Variants in CSMD1 observed in about 807,000 individuals in gnomAD.
The protein encoded by CSMD1 is CUB and Sushi multiple domains 1.
A neutral mutation model predicts 417.5 loss-of-function variants in CSMD1; 213 were observed. That is an observed-to-expected ratio of 0.51 (90% CI 0.46 to 0.57). The LOEUF is 0.57. Ranked by LOEUF, CSMD1 falls within the 20% of genes least tolerant of loss-of-function variation. The pLI is 0.00. For synonymous variants in CSMD1, 2,862 were observed against 1,736.8 expected (o/e 1.65, Z -16.11); for missense variants, 6,923 against 4,529.7 (o/e 1.53, Z -15.17).
At chr8:4,068,437 A>G (rs779858482) in intron 3 of CSMD1, among the ~76,000 whole-genome samples, 1 of 152,194 alleles carries the variant, frequency 6.6e-6, no homozygotes, top group African/African-American at 2.4e-5. Flanking sequence ...ACAGAAAATT[A>G]AATGTATATT....
chr8:3,614,384 A>G (rs1017106269), intron 8 of CSMD1, among the ~76,000 whole-genome samples: 1 of 152,096 alleles, frequency 6.6e-6, no homozygotes, highest in Non-Finnish European at 1.5e-5. Flanking sequence ...CCTCAGACTT[A>G]ATGTTCATCC....
chr8:3,270,284 C>T (rs973863366), intron 26 of CSMD1, among the ~76,000 whole-genome samples: 2 of 152,048 alleles, frequency 1.3e-5, no homozygotes, highest in African/African-American at 4.8e-5. Context: ...CCTTGAACTC[C>T]TGACCTTGTG....
rs747198664 is a variant in CSMD1, at chr8:3,223,790, T to G, written c.4423A>C (p.Lys1475Gln). ...PNYPQPYPPGKECDWRVKVNP... is the reference protein window; with the variant it reads ...PNYPQPYPPGQECDWRVKVNP... ...ACTTTTACTCTCCAGTCACATTCCT[T>G]CCCAGGAGGATACGGCTGTGGGTAG... Residue 1475 changes from lysine to glutamine, a missense_variant, in exon 28 of 70, where the codon AAG becomes CAG. Transcript: ENST00000635120. The G allele has an allele frequency of 6.2e-7, 1 of 1,613,886 alleles. No homozygotes were observed. The highest frequency in any genetic ancestry group is 1.1e-5 in the South Asian group (1 of 91,080).
At chr8:3,347,086 T>C (rs1585033062) in intron 22 of CSMD1, among the ~76,000 whole-genome samples, 2 of 152,220 alleles carry the variant, frequency 1.3e-5, no homozygotes, top group Admixed American at 1.3e-4. Flanking sequence ...CTTAAAAAAA[T>C]CACAGAACAT....
intron 4 of CSMD1, among the ~76,000 whole-genome samples, chr8:4,019,285 G>A (rs184415054): frequency 3.7e-4 from 57 of 152,290 alleles, no homozygotes; most frequent in African/African-American, 4.8e-4. Flanking sequence ...GATTCAGGGC[G>A]AGAGAGCTTA....
intron 6 of CSMD1, among the ~76,000 whole-genome samples, chr8:3,745,724 T>C (rs932922981): frequency 2.6e-5 from 4 of 152,204 alleles, no homozygotes; most frequent in African/African-American, 7.2e-5. Context: ...AGTAGATTCC[T>C]TATTTCATTA....
chr8:3,741,408 C>G (rs1477344529), intron 6 of CSMD1, among the ~76,000 whole-genome samples: 1 of 152,030 alleles, frequency 6.6e-6, no homozygotes, highest in African/African-American at 2.4e-5. Context: ...GCCAGGTTAT[C>G]CCATCCAGCT....
intron 25 of CSMD1, among the ~76,000 whole-genome samples, chr8:3,286,796 T>A (rs180980469): frequency 6.6e-6 from 1 of 152,310 alleles, no homozygotes; most frequent in East Asian, 1.9e-4. Context: ...TGATGGTAGT[T>A]TCTTGTGCTG....
chr8:4,383,519 T>G (rs1244521334), intron 3 of CSMD1, among the ~76,000 whole-genome samples: 1 of 152,152 alleles, frequency 6.6e-6, no homozygotes, highest in Admixed American at 6.6e-5. Context: ...CAACAAGCCC[T>G]GGCTATTGCA....
At chr8:3,774,944 G>A (rs1334362535) in intron 5 of CSMD1, among the ~76,000 whole-genome samples, 2 of 151,994 alleles carry the variant, frequency 1.3e-5, no homozygotes, top group South Asian at 2.1e-4. Flanking sequence ...CCAGCGAGAC[G>A]GGAAACAGGT....
Position 3,190,116 on chromosome 8 carries a change from C to G in CSMD1, c.5195-1G>C. 1 of 1,581,256 alleles carries G rather than the reference C, an allele frequency of 6.3e-7. No homozygotes were observed. Among genetic ancestry groups the G allele is most frequent in the African/African-American group, 1.3e-5 (1 of 74,340 alleles). On this transcript the variant is annotated splice_acceptor_variant, in intron 33 of 69. Coordinates refer to ENST00000635120, the MANE Select transcript of CSMD1 (RefSeq NM_033225.6). LOFTEE classifies it high-confidence loss of function. ...TGGGTGTCACTGGTACGAGGAACAGCTAGAAGCAAAGTACAGAACACAGCC... is the reference window on the plus strand; with the variant it reads ...TGGGTGTCACTGGTACGAGGAACAGGTAGAAGCAAAGTACAGAACACAGCC...
At chr8:4,429,056 A>C (rs1374280371) in intron 2 of CSMD1, among the ~76,000 whole-genome samples, 1 of 152,034 alleles carries the variant, frequency 6.6e-6, no homozygotes, top group East Asian at 1.9e-4. Context: ...ACATACTTAC[A>C]GTGTACAATA....
intron 1 of CSMD1, among the ~76,000 whole-genome samples, chr8:4,687,908 T>C (rs1015430939): frequency 2.0e-5 from 3 of 152,110 alleles, no homozygotes; most frequent in Non-Finnish European, 2.9e-5. Flanking sequence ...GATAACGACA[T>C]GTCATATGTG....
intron 50 of CSMD1, among the ~76,000 whole-genome samples, chr8:3,043,450 A>G (rs910112226): frequency 1.3e-5 from 2 of 152,108 alleles, no homozygotes; most frequent in Admixed American, 6.6e-5. Context: ...TAAACCTATC[A>G]CTAGATATGA....
At chr8:3,851,933 A>C (rs1803937724) in intron 5 of CSMD1, among the ~76,000 whole-genome samples, 1 of 152,122 alleles carries the variant, frequency 6.6e-6, no homozygotes, top group African/African-American at 2.4e-5. Context: ...CTGAGCATTG[A>C]AGAATATGTG....
chr8:4,659,039 C>T (rs548400889), intron 1 of CSMD1, among the ~76,000 whole-genome samples: 1 of 152,130 alleles, frequency 6.6e-6, no homozygotes, highest in East Asian at 1.9e-4. Flanking sequence ...AAATGGTACA[C>T]TACAAAAATA....
chr8:4,456,130 A>AATGCTG lies in CSMD1; in HGVS notation c.303-36071_303-36066dup, dbSNP rs144810171. 4.2e-3 allele frequency among the ~76,000 whole-genome samples: 632 copies of AATGCTG among 151,142 alleles called. 3 individuals carry two copies. Among genetic ancestry groups the AATGCTG allele is most frequent in the African/African-American group, 0.014 (597 of 41,202 alleles). ...TTAAAATAAGAAGGACATTATGCCA[A>AATGCTG]ATGCTGAGAGGGTTAACAGAGAGTG... On this transcript the variant is annotated intron_variant, in intron 2 of 69. Transcript: ENST00000635120.
chr8:4,688,869 A>C (rs1806576197), intron 1 of CSMD1, among the ~76,000 whole-genome samples: 1 of 152,226 alleles, frequency 6.6e-6, no homozygotes, highest in South Asian at 2.1e-4. Flanking sequence ...GAAGATTGAC[A>C]TAAATTCTAT....
At chr8:4,728,438 A>G (rs1370919427) in intron 1 of CSMD1, among the ~76,000 whole-genome samples, 3 of 152,120 alleles carry the variant, frequency 2.0e-5, no homozygotes, top group Non-Finnish European at 4.4e-5. Context: ...GAAGCATTTC[A>G]GTCTTGTTAC....
Sources: allele counts gnomAD v4.1 joint callset (sites outside exome capture counted in the v4.1 genomes callset), GRCh38; gene constraint gnomAD v4.1.1; transcripts MANE v1.5; gene names NCBI Gene and HGNC (gene_info 2026-07-23, HGNC 2026-07-21).